KIF12: variants seen among roughly 807,000 people sequenced by gnomAD.
The protein encoded by KIF12 is kinesin family member 12.
Under a neutral mutation model 87.9 loss-of-function variants are expected in KIF12, and 80 were observed. The observed-to-expected ratio is 0.91, with a 90% CI of 0.76 to 1.10. The LOEUF is 1.10. KIF12 is among the 50% of genes least tolerant of loss of function. KIF12 has a pLI of 0.00. For synonymous variants in KIF12, 353 were observed against 348.5 expected, an observed-to-expected ratio of 1.01 and a Z score of -0.14; for missense variants, 819 against 865.3, an observed-to-expected ratio of 0.95 and a Z score of 0.67.
intron 7 of KIF12, among the ~76,000 whole-genome samples, chr9:114,096,878 C>T (rs1045049568): frequency 9.2e-5 from 14 of 152,158 alleles, no homozygotes; most frequent in African/African-American, 2.9e-4. Flanking sequence ...AAGAATGAGG[C>T]TGAAAGGGCC....
At chr9:114,099,215 T>G (rs1847380283) in intron 1 of KIF12, 36 bp downstream of exon 1, 59 of 1,550,774 alleles carry the variant, frequency 3.8e-5, no homozygotes, top group Non-Finnish European at 5.1e-5. Context: ...TAGCGGCTGT[T>G]CAGGACTCCT....
Position 114,094,343 on chromosome 9 carries a change from A to G in KIF12, c.1222+10T>C. ...ATCCCCATCCTACTCTGCCTCCAGG[A>G]AGCCCATACCCTTGCAGTCCATTTG... On this transcript the variant is annotated intron_variant, in intron 12 of 18. Coordinates refer to ENST00000640217, the MANE Select transcript of KIF12 (RefSeq NM_001388308.1). 6 of 1,612,326 alleles carry G rather than the reference A, an allele frequency of 3.7e-6. No individual in the cohort carries two copies. The highest frequency in any genetic ancestry group is 5.1e-6 in the Non-Finnish European group (6 of 1,178,458).
rs376000496 is a variant in KIF12 at position 114,092,556 on chromosome 9, C to T, written c.1683G>A (p.Lys561=). ...WAPPCSPGSA[K]CPRERSHSDW... ...GAGAGACCCACCTCTCTCTTGGGCACTTGGCAGAGCCAGGGCTGCATGGGG... is the reference window on the plus strand; with the variant it reads ...GAGAGACCCACCTCTCTCTTGGGCATTTGGCAGAGCCAGGGCTGCATGGGG... The change falls in exon 17 of 19, where the codon AAG becomes AAA. Residue 561 remains lysine (K), a synonymous_variant. Transcript: ENST00000640217. 630 of 1,611,732 alleles carry T rather than the reference C, an allele frequency of 3.9e-4. No homozygotes were observed. Among genetic ancestry groups the T allele is most frequent in the Middle Eastern group, 2.0e-3 (12 of 6,006 alleles).
At position 114,098,371 on chromosome 9, in the gene KIF12, G is replaced by A. The variant is rs1193194228; in HGVS notation, c.230C>T (p.Ala77Val). The change falls in exon 4 of 19, where the codon GCG (alanine) becomes GTG (valine). Residue 77 changes from alanine to valine, a missense_variant. Transcript: ENST00000640217. ...GAACACGTCCTCCTGCGTGCGCGCCGCGTCTAGCACCGCACCGAAGCGGAA... is the reference window on the plus strand; with the variant it reads ...GAACACGTCCTCCTGCGTGCGCGCCACGTCTAGCACCGCACCGAAGCGGAA... ...VAFRFGAVLD[A>V]ARTQEDVFRA... 6.7e-7 allele frequency: 1 copy of A among 1,499,138 alleles called. No homozygotes were observed. The highest frequency in any genetic ancestry group is 8.8e-7 in the Non-Finnish European group (1 of 1,129,958). 92.9% of individuals were successfully genotyped at this position (1,499,138 alleles called of 1,614,324 possible).
intron 16 of KIF12, 28 bp from the exon 17 acceptor site, chr9:114,092,670 G>A: frequency 2.6e-6 from 4 of 1,554,288 alleles, no homozygotes; most frequent in Non-Finnish European, 3.5e-6. Flanking sequence ...GTCCACTCTG[G>A]GTGACCTCAG....
chr9:114,093,337 CA>C lies in KIF12; in HGVS notation c.1492-5del. 1 of 1,556,158 alleles carries C rather than the reference CA, an allele frequency of 6.4e-7. No individual in the cohort carries two copies. The highest frequency in any genetic ancestry group is 8.7e-7 in the Non-Finnish European group (1 of 1,149,402). On this transcript the variant is annotated splice_polypyrimidine_tract_variant and splice_region_variant and intron_variant, in intron 15 of 18. Transcript: ENST00000640217. ...AGGAGTAGAGGGGTGGCAGTGCCTG[CA>C]AAAAGGTGCGTCAGAGGCTCCATGA...
chr9:114,098,265 C>CAGGCCCGGCGCGGAGCGG, intron 4 of KIF12, 37 bp downstream of exon 4: 1 of 1,507,812 alleles, frequency 6.6e-7, no homozygotes, highest in Non-Finnish European at 8.8e-7. Flanking sequence ...GGGGCCCCGC[C>CAGGCCCGGCGCGGAGCGG]AGGCCCGGCG....
Position 114,094,237 on chromosome 9 carries a change from G to A in KIF12, c.1257C>T (p.Ala419=). The A allele has an allele frequency of 5.6e-6, 9 of 1,614,014 alleles. No homozygotes were observed. The highest frequency in any genetic ancestry group is 7.6e-6 in the Non-Finnish European group (9 of 1,180,024). ...SGLSGARVAW[A]QRNLYGMLQE... ...GTAGCATCCCGTACAGGTTCCGCTGGGCCCAGGCCACCCGGGCTCCACTGA... is the reference window on the plus strand; with the variant it reads ...GTAGCATCCCGTACAGGTTCCGCTGAGCCCAGGCCACCCGGGCTCCACTGA... Residue 419 remains alanine (A), a synonymous_variant, in exon 13 of 19, where the codon GCC becomes GCT. Transcript: ENST00000640217.
chr9:114,092,137 C>G, intron 18 of KIF12, 137 bp from the exon 19 acceptor site: 1 of 1,422,846 alleles, frequency 7.0e-7, no homozygotes, highest in South Asian at 1.5e-5. Context: ...CCCCCATACA[C>G]CATGGGCTCC....
chr9:114,092,001 C>T lies in KIF12; in HGVS notation c.1817-1G>A. On this transcript the variant is annotated splice_acceptor_variant, in intron 18 of 18. Transcript: ENST00000640217. LOFTEE classifies it high-confidence loss of function. ...GCCAGGTTTGGAACCCCGGCCCCAC[C>T]TAAGGAGCAGTGAGACTCGAGGCCT... The T allele has an allele frequency of 6.2e-7, 1 of 1,610,424 alleles. No homozygotes were observed. Among genetic ancestry groups the T allele is most frequent in the South Asian group, 1.1e-5 (1 of 90,814 alleles).
chr9:114,095,391 G>A (rs1257655882), intron 9 of KIF12, 59 bp from the exon 10 acceptor site: 1 of 1,546,458 alleles, frequency 6.5e-7, no homozygotes, highest in African/African-American at 1.4e-5. Flanking sequence ...CCATCAGGCT[G>A]GGATGCTGCA....
At position 114,096,168 on chromosome 9, in the gene KIF12, CAG is replaced by C. The variant is rs1491333527; in HGVS notation, c.776_777del (p.Pro259ArgfsTer14). ...TCCACAAAGCACAGCTTCCCACCAA[CAG>C]GGGGCTCCCCAGGGTCCACAGAAGG... is the stretch of plus-strand genomic sequence containing the variant. The part of the protein sequence containing the change: ...QMPSVDPGEP[P>X]VGGKLCFVDL... On this transcript the variant is annotated frameshift_variant, in exon 9 of 19. Coordinates refer to ENST00000640217, the MANE Select transcript of KIF12 (RefSeq NM_001388308.1). LOFTEE classifies it high-confidence loss of function. 1 of 1,614,004 alleles carries C rather than the reference CAG, an allele frequency of 6.2e-7. No individual in the cohort carries two copies. Among genetic ancestry groups the C allele is most frequent in the Non-Finnish European group, 8.5e-7 (1 of 1,180,026 alleles).
intron 13 of KIF12, 35 bp from the exon 14 acceptor site, chr9:114,094,007 A>T: frequency 6.4e-7 from 1 of 1,570,554 alleles, no homozygotes; most frequent in Non-Finnish European, 8.8e-7. Flanking sequence ...GGGGTAGGAA[A>T]TGGGGCTGGG....
Position 114,098,914 on chromosome 9 carries a change from A to G in KIF12, c.171+21T>C, listed in dbSNP as rs754762478. ...GTCCCCGGGATTTTTTATTGGGGAG[A>G]TAGAGAGAGGGGTTCCTCACCTGCA... On this transcript the variant is annotated intron_variant, in intron 3 of 18. Transcript: ENST00000640217. 2.0e-4 allele frequency: 315 copies of G among 1,543,628 alleles called. 3 individuals are homozygous for G. Among genetic ancestry groups the G allele is most frequent in the Middle Eastern group, 2.0e-4 (1 of 4,904 alleles).
chr9:114,093,880 G>C lies in KIF12; in HGVS notation c.1400+6C>G. On this transcript the variant is annotated splice_donor_region_variant and intron_variant, in intron 14 of 18. Coordinates refer to ENST00000640217, the MANE Select transcript of KIF12 (RefSeq NM_001388308.1). ...GGCCTGGCTCCAAGCTGGTGGCTCT[G>C]CTTACCTCTCTAGTGCATGGACCTG... 6.2e-7 allele frequency: 1 copy of C among 1,612,952 alleles called. No homozygotes were observed. The highest frequency in any genetic ancestry group is 8.5e-7 in the Non-Finnish European group (1 of 1,179,056).
Position 114,098,384 on chromosome 9 carries a change from C to T in KIF12, c.217G>A (p.Ala73Thr), listed in dbSNP as rs1847328439. Reference protein sequence around the residue: ...GGPEVAFRFGAVLDAARTQED... With the variant: ...GGPEVAFRFGTVLDAARTQED... Reference sequence around the variant, plus strand: ...TGCGTGCGCGCCGCGTCTAGCACCGCACCGAAGCGGAACGCCACTTCTGGA... The same window carrying T: ...TGCGTGCGCGCCGCGTCTAGCACCGTACCGAAGCGGAACGCCACTTCTGGA... Residue 73 changes from alanine (A) to threonine (T), a missense_variant, in exon 4 of 19, where the codon GCG becomes ACG. Physicochemically the swap from Ala to Thr is moderately conservative, Grantham distance 58. Coordinates refer to ENST00000640217, the MANE Select transcript of KIF12 (RefSeq NM_001388308.1). The T allele has an allele frequency of 1.3e-6, 2 of 1,516,492 alleles. No homozygotes were observed. The highest frequency in any genetic ancestry group is 1.4e-5 in the African/African-American group (1 of 69,622). The allele number at this position is 1,516,492 out of a possible 1,614,324, so 93.9% of individuals were successfully genotyped here.
In KIF12 at chr9:114,094,475, G is replaced by T. The variant is rs774071073; in HGVS notation, c.1120-20C>A. ...AGGAGACTGTAGGGAAAGAGGCCCA[G>T]AGCCACCTTTATGGTTGTATAAGTC... is the stretch of plus-strand genomic sequence containing the variant. On this transcript the variant is annotated intron_variant, in intron 11 of 18. Coordinates refer to ENST00000640217, the MANE Select transcript of KIF12 (RefSeq NM_001388308.1). 6.9e-5 allele frequency: 102 copies of T among 1,487,202 alleles called. No individual in the cohort carries two copies. Among genetic ancestry groups the T allele is most frequent in the Non-Finnish European group, 9.3e-5 (100 of 1,070,208 alleles). The allele number at this position is 1,487,202 out of a possible 1,614,324, so 92.1% of individuals were successfully genotyped here.
At position 114,099,271 on chromosome 9, in the gene KIF12, T is replaced by C; in HGVS notation, c.6A>G (p.Glu2=). The C allele has an allele frequency of 6.4e-7, 1 of 1,551,112 alleles. No individual in the cohort carries two copies. The highest frequency in any genetic ancestry group is 8.7e-7 in the Non-Finnish European group (1 of 1,147,058). Residue 2 remains glutamate (E), a synonymous_variant, in exon 1 of 19, where the codon GAA becomes GAG. Transcript: ENST00000640217. ...CTTACCCGTCGGGTGACCCGCGTTC[T>C]TCCATGTCCTGCTCTGCACACGGAG... M[E]ERGSPDGDLA...
In KIF12 at chr9:114,091,929, G is replaced by T. The variant is rs145530814; in HGVS notation, c.1888C>A (p.Arg630Ser). 1.2e-6 allele frequency: 2 copies of T among 1,612,394 alleles called. No homozygotes were observed. The highest frequency in any genetic ancestry group is 2.7e-5 in the African/African-American group (2 of 74,908). The part of the protein sequence containing the change: ...LRDQIGSSLR[R>S]GRSQPPCSEG... ...CTGCAGGGTGGCTGGCTGCGGCCAC[G>T]TCGCAGGGAGCTGCCAATCTGGTCT... Residue 630 changes from arginine to serine, a missense_variant, in exon 19 of 19, where the codon CGT becomes AGT. Coordinates refer to ENST00000640217, the MANE Select transcript of KIF12 (RefSeq NM_001388308.1).
Sources: gnomAD v4.1 joint callset for allele counts (sites outside exome capture counted in the v4.1 genomes callset) on GRCh38, gnomAD v4.1.1 for gene constraint, MANE v1.5 for transcripts, NCBI Gene and HGNC (gene_info 2026-07-23, HGNC 2026-07-21) for gene names.